The following CHL1 variants were observed in gnomAD, a reference collection of about 807,000 sequenced individuals.
CHL1 encodes cell adhesion molecule L1 like.
A neutral mutation model predicts 141.9 loss-of-function variants in CHL1; 96 were observed. The ratio of observed to expected loss-of-function variants is 0.68; its 90% CI spans 0.57 to 0.80. CHL1 has a LOEUF of 0.80. Ranked by LOEUF, CHL1 falls within the 30% of genes least tolerant of loss-of-function variation. The pLI is 0.00. For missense variants in CHL1, 1,820 were observed against 1,457.2 expected, an observed-to-expected ratio of 1.25 and a Z score of -4.05; for synonymous variants, 613 against 502.2, an observed-to-expected ratio of 1.22 and a Z score of -2.95.
At chr3:345,410 G>T (rs55901607) in intron 9 of CHL1, among the ~76,000 whole-genome samples, 5,565 of 152,008 alleles carry the variant, frequency 0.037, 321 homozygotes, top group African/African-American at 0.12. Context: ...ATCTAATTAA[G>T]TGAACTTTCT....
intron 12 of CHL1, 82 bp from the exon 13 acceptor site, chr3:361,617 A>C: frequency 1.2e-6 from 1 of 868,324 alleles, no homozygotes; most frequent in East Asian, 2.4e-5. Flanking sequence ...TTGTATTCGT[A>C]TGACTAGGAC....
chr3:198,118 G>C (rs1698545076), intron 1 of CHL1: 1 of 273,744 alleles, frequency 3.7e-6, no homozygotes. Context: ...ACGGCCAGCA[G>C]GGTGGAGCGC....
chr3:267,672 A>G (rs189357611), intron 2 of CHL1, among the ~76,000 whole-genome samples: 49 of 152,294 alleles, frequency 3.2e-4, no homozygotes, highest in Middle Eastern at 3.4e-3. Context: ...CCGTGTGTGT[A>G]TTTCAAACGT....
chr3:378,956 C>A (rs936545530), intron 16 of CHL1, among the ~76,000 whole-genome samples: 6 of 152,190 alleles, frequency 3.9e-5, no homozygotes, highest in African/African-American at 1.4e-4. Context: ...ACCCTAACAG[C>A]TACAGACATT....
chr3:293,459 C>T (rs73007553), intron 2 of CHL1, among the ~76,000 whole-genome samples: 2 of 151,930 alleles, frequency 1.3e-5, no homozygotes, highest in Admixed American at 6.6e-5. Flanking sequence ...GCTGAGAGAT[C>T]GAGCCACTGC....
At chr3:209,760 G>T (rs1375200183) in intron 1 of CHL1, among the ~76,000 whole-genome samples, 1 of 152,136 alleles carries the variant, frequency 6.6e-6, no homozygotes, top group African/African-American at 2.4e-5. Flanking sequence ...CCCACCCTGT[G>T]TCCAAGTGTT....
chr3:211,890 A>G (rs17006405), intron 1 of CHL1, among the ~76,000 whole-genome samples: 14,119 of 152,258 alleles, frequency 0.093, 717 homozygotes, highest in African/African-American at 0.13. Context: ...CAAGATAGGT[A>G]TCAGTCCTCT....
chr3:306,013 G>T (rs967731778), intron 2 of CHL1, among the ~76,000 whole-genome samples: 3 of 152,082 alleles, frequency 2.0e-5, no homozygotes, highest in African/African-American at 7.2e-5. Context: ...GAATCTAACT[G>T]GTTATCATGC....
At chr3:260,317 A>C (rs947307171) in intron 2 of CHL1, among the ~76,000 whole-genome samples, 2 of 152,196 alleles carry the variant, frequency 1.3e-5, no homozygotes, top group Non-Finnish European at 2.9e-5. Flanking sequence ...ATCTTCCTTT[A>C]CATTCTTAAA....
chr3:361,594 T>C (rs1241581717), intron 12 of CHL1, 105 bp from the exon 13 acceptor site: 16 of 714,238 alleles, frequency 2.2e-5, no homozygotes, highest in Non-Finnish European at 4.0e-5. Context: ...CATAATATTC[T>C]GCTGTTTTCT....
At chr3:235,471 C>G (rs1430949083) in intron 1 of CHL1, among the ~76,000 whole-genome samples, 1 of 152,048 alleles carries the variant, frequency 6.6e-6, no homozygotes. Flanking sequence ...GTAGTTAGCC[C>G]TGTATAAATG....
intron 14 of CHL1, among the ~76,000 whole-genome samples, chr3:364,753 G>A (rs1218001792): frequency 6.6e-6 from 1 of 152,088 alleles, no homozygotes; most frequent in African/African-American, 2.4e-5. Flanking sequence ...TCAAATCCTG[G>A]TTCAGCCCAT....
rs375537200 is a variant in CHL1 at position 319,753 on chromosome 3, G to A, written c.-24G>A. The stretch of plus-strand genomic sequence containing the variant: ...AGACATTAAGATTTTCATTCTTACC[G>A]GGTTGTCTTCTTCCTGAAGAGCAAT... On this transcript the variant is annotated 5_prime_UTR_variant, in exon 3 of 28. Transcript: ENST00000256509. 8.1e-5 allele frequency: 120 copies of A among 1,484,458 alleles called. No homozygotes were observed. Among genetic ancestry groups the A allele is most frequent in the Non-Finnish European group, 9.4e-5 (100 of 1,066,714 alleles). 92.0% of individuals were successfully genotyped at this position (1,484,458 alleles called of 1,614,324 possible).
intron 1 of CHL1, among the ~76,000 whole-genome samples, chr3:203,818 G>C (rs192143336): frequency 9.6e-4 from 146 of 152,330 alleles, no homozygotes; most frequent in Non-Finnish European, 3.7e-4. Flanking sequence ...GTAGTGGTTT[G>C]TGGAGGTCAG....
chr3:255,507 G>A (rs895906239), intron 2 of CHL1, among the ~76,000 whole-genome samples: 4 of 143,828 alleles, frequency 2.8e-5, no homozygotes, highest in African/African-American at 1.0e-4. Flanking sequence ...GTATGTGTGT[G>A]TGTGTGTATA....
chr3:393,231 T>TGAAAAAAAAA (rs1708390250), intron 23 of CHL1, among the ~76,000 whole-genome samples: 1 of 8,908 alleles, frequency 1.1e-4, no homozygotes, highest in Admixed American at 2.4e-3. Context: ...AGACTCCGTC[T>TGAAAAAAAAA]CAAAAAAAAA....
At position 297,168 on chromosome 3, in the gene CHL1, G is replaced by T. The variant is rs115907230; in HGVS notation, c.-94-22515G>T. 2.2e-3 allele frequency among the ~76,000 whole-genome samples: 341 copies of T among 152,244 alleles called. 1 individual carries two copies. Among genetic ancestry groups the T allele is most frequent in the African/African-American group, 7.9e-3 (329 of 41,540 alleles). ...TTGAGTCGGGGAGATGGAGGCTTCA[G>T]AGAGCTGTGATCACACTACTACACT... On this transcript the variant is annotated intron_variant, in intron 2 of 27. Coordinates refer to ENST00000256509, the MANE Select transcript of CHL1 (RefSeq NM_006614.4).
At chr3:402,510 A>G (rs902794811) in intron 27 of CHL1, among the ~76,000 whole-genome samples, 1 of 152,174 alleles carries the variant, frequency 6.6e-6, no homozygotes, top group African/African-American at 2.4e-5. Flanking sequence ...CAGCCAACAG[A>G]CATATTGTAA....
chr3:277,475 T>C (rs760925003), intron 2 of CHL1, among the ~76,000 whole-genome samples: 10 of 152,218 alleles, frequency 6.6e-5, no homozygotes, highest in Non-Finnish European at 1.3e-4. Flanking sequence ...GCATTGAATC[T>C]TGTATATTTT....
Sources: gnomAD v4.1 joint callset for allele counts (sites outside exome capture counted in the v4.1 genomes callset) on GRCh38, gnomAD v4.1.1 for gene constraint, MANE v1.5 for transcripts, NCBI Gene and HGNC (gene_info 2026-07-23, HGNC 2026-07-21) for gene names.